Variants in NAV1 observed in about 807,000 individuals in gnomAD.
NAV1 encodes pore membrane and/or filament interacting like protein 3.
A neutral mutation model predicts 175.2 loss-of-function variants in NAV1; 18 were observed. That is an observed-to-expected ratio of 0.10 (90% CI 0.07 to 0.15). The LOEUF (loss-of-function observed/expected upper bound fraction) is 0.15, where lower values mean the gene tolerates loss of function less well. Ranked by LOEUF, NAV1 falls within the 10% of genes least tolerant of loss-of-function variation. The pLI is 1.00. For synonymous variants in NAV1, 897 were observed against 978.7 expected, an observed-to-expected ratio of 0.92 and a Z score of 1.56; for missense variants, 1,731 against 2,436.6, an observed-to-expected ratio of 0.71 and a Z score of 6.10.
intron 1 of NAV1, among the ~76,000 whole-genome samples, chr1:201,585,630 C>T (rs888085694): frequency 2.0e-5 from 3 of 151,632 alleles, no homozygotes; most frequent in African/African-American, 7.3e-5. Context: ...ACAAAAAAAA[C>T]TGATTTTTTA....
intron 2 of NAV1, among the ~76,000 whole-genome samples, chr1:201,591,624 G>C (rs1012000661): frequency 6.6e-6 from 1 of 152,190 alleles, no homozygotes; most frequent in African/African-American, 2.4e-5. Flanking sequence ...CAGCCTGCTG[G>C]CTGGCTCTCT....
At position 201,727,724 on chromosome 1, in the gene NAV1, T is replaced by C. The variant is rs115281367; in HGVS notation, c.1226+8969T>C. ...AGGAAGCCACTACAGGCTATGTTCA[T>C]GTGCAGGTTACTGCTGTGGGCAACT... On this transcript the variant is annotated intron_variant, in intron 3 of 29. Coordinates refer to ENST00000367296, the Ensembl canonical transcript of NAV1. Among the ~76,000 whole-genome samples the C allele has an allele frequency of 3.9e-3, 593 of 152,366 alleles. 3 individuals are homozygous for C. Among genetic ancestry groups the C allele is most frequent in the African/African-American group, 0.013 (557 of 41,584 alleles).
intron 1 of NAV1, among the ~76,000 whole-genome samples, chr1:201,563,381 AT>A (rs1299868984): frequency 3.3e-5 from 5 of 151,928 alleles, no homozygotes; most frequent in African/African-American, 1.2e-4. Context: ...TGGGAGATGT[AT>A]CTTTCTGGGA....
chr1:201,630,633 A>G (rs1479592051), intron 2 of NAV1, among the ~76,000 whole-genome samples: 2 of 152,226 alleles, frequency 1.3e-5, no homozygotes, highest in Admixed American at 6.5e-5. Flanking sequence ...TTCTTCCATG[A>G]CAAGCCTTGT....
intron 1 of NAV1, among the ~76,000 whole-genome samples, chr1:201,692,330 C>T (rs967495874): frequency 1.3e-4 from 20 of 152,156 alleles, no homozygotes; most frequent in Non-Finnish European, 2.4e-4. Context: ...TAGGAAAAGA[C>T]CCACTGAAAG....
chr1:201,809,946 G>C, exon 23 of NAV1: 1 of 1,611,100 alleles, frequency 6.2e-7, no homozygotes, highest in Non-Finnish European at 8.5e-7. Context: ...TTTCTGTCAG[G>C]ACTATATTTC....
chr1:201,620,229 AG>A (rs1364614009), upstream of NAV1, among the ~76,000 whole-genome samples: 4 of 152,158 alleles, frequency 2.6e-5, no homozygotes, highest in Admixed American at 2.6e-4. Context: ...ACAATATGGA[AG>A]GGGGGATCCC....
At chr1:201,775,492 G>A (rs978068202) in intron 3 of NAV1, among the ~76,000 whole-genome samples, 1 of 152,142 alleles carries the variant, frequency 6.6e-6, no homozygotes, top group African/African-American at 2.4e-5. Flanking sequence ...GTGCACAAAG[G>A]TTCTCAATAA....
At chr1:201,804,928 C>T (rs1678181600) in intron 17 of NAV1, among the ~76,000 whole-genome samples, 1 of 152,134 alleles carries the variant, frequency 6.6e-6, no homozygotes, top group East Asian at 1.9e-4. Flanking sequence ...GAGGCCAGTT[C>T]AGCCTGGGCC....
Position 201,782,240 on chromosome 1 carries a change from C to G in NAV1, c.1728C>G (p.Arg576=). Reference sequence around the variant, plus strand: ...CAGTGAAGAATACTGGGCTCCAACGCTCCTCCTCTGATGCTGGTCGGGACC... The same window carrying G: ...CAGTGAAGAATACTGGGCTCCAACGGTCCTCCTCTGATGCTGGTCGGGACC... The change falls in exon 6 of 30, where the codon CGC becomes CGG. Residue 576 remains arginine (R), a synonymous_variant. Coordinates refer to ENST00000367296, the Ensembl canonical transcript of NAV1. This position sits in a 1 kb window ranked among gnomAD's most constrained non-coding sequence, Gnocchi z 5.4. 1 of 1,614,022 alleles carries G rather than the reference C, an allele frequency of 6.2e-7. No homozygotes were observed. The highest frequency in any genetic ancestry group is 1.1e-5 in the South Asian group (1 of 91,046).
intron 1 of NAV1, among the ~76,000 whole-genome samples, chr1:201,563,657 G>A (rs1294754474): frequency 6.6e-6 from 1 of 152,134 alleles, no homozygotes; most frequent in Non-Finnish European, 1.5e-5. Context: ...AGCAAAATGA[G>A]GGCATGGATC....
chr1:201,638,200 G>A (rs559830775), intron 2 of NAV1, among the ~76,000 whole-genome samples: 5 of 152,090 alleles, frequency 3.3e-5, no homozygotes, highest in Admixed American at 2.6e-4. Context: ...AACCCCCAAG[G>A]CTTGACATTA....
At chr1:201,775,509 A>G (rs936363982) in intron 3 of NAV1, among the ~76,000 whole-genome samples, 2 of 152,200 alleles carry the variant, frequency 1.3e-5, no homozygotes, top group African/African-American at 2.4e-5. Flanking sequence ...ATAACTTATA[A>G]TGAGTGTCCC....
chr1:201,607,890 G>A (rs1261084392), intron 2 of NAV1, among the ~76,000 whole-genome samples: 1 of 150,908 alleles, frequency 6.6e-6, no homozygotes, highest in African/African-American at 2.4e-5. Context: ...GTGTGTGTGT[G>A]TGTGTGTGTG....
At chr1:201,689,252 A>C (rs1436030193) in intron 1 of NAV1, among the ~76,000 whole-genome samples, 1 of 152,240 alleles carries the variant, frequency 6.6e-6, no homozygotes, top group Non-Finnish European at 1.5e-5. Flanking sequence ...TACTGCACAA[A>C]TTATAGGATA....
chr1:201,683,783 C>T (rs1218124777), intron 1 of NAV1, among the ~76,000 whole-genome samples: 1 of 152,128 alleles, frequency 6.6e-6, no homozygotes, highest in Non-Finnish European at 1.5e-5. Context: ...TTACTGTCCT[C>T]TGTCCCCTCC....
intron 1 of NAV1, among the ~76,000 whole-genome samples, chr1:201,568,842 A>G (rs1221895523): frequency 2.0e-5 from 3 of 152,070 alleles, no homozygotes; most frequent in African/African-American, 7.2e-5. Context: ...GTGTCTGTTT[A>G]GTCTAAAAGT....
chr1:201,636,837 G>T (rs1281900253), intron 2 of NAV1, among the ~76,000 whole-genome samples: 1 of 152,160 alleles, frequency 6.6e-6, no homozygotes, highest in Non-Finnish European at 1.5e-5. Context: ...GGCAAAAGCT[G>T]ACCTCATGAG....
chr1:201,632,060 C>T (rs1668492362), intron 2 of NAV1, among the ~76,000 whole-genome samples: 1 of 152,096 alleles, frequency 6.6e-6, no homozygotes, highest in Non-Finnish European at 1.5e-5. Context: ...TTCTCTGCTC[C>T]TTTCCCAATG....
Sources: allele counts gnomAD v4.1 joint callset (sites outside exome capture counted in the v4.1 genomes callset), GRCh38; gene constraint gnomAD v4.1.1; non-coding constraint Gnocchi (gnomAD v3.1); transcripts MANE v1.5; gene names NCBI Gene and HGNC (gene_info 2026-07-23, HGNC 2026-07-21).